Variants in CIMAP2 observed in about 807,000 individuals in gnomAD.
CIMAP2 encodes ciliary microtubule associated protein 2, also known as ciliary microtubule-associated protein 2.
At chr1:54,813,733 T>C in the CIMAP2 span, 1 of 1,449,164 alleles carries the variant, frequency 6.9e-7, no homozygotes, top group Middle Eastern at 2.1e-4. Context: ...CCATTGCTTT[T>C]CTCTGGTTGC....
At chr1:54,810,290 G>A in the CIMAP2 span, among the ~76,000 whole-genome samples, 1 of 152,130 alleles carries the variant, frequency 6.6e-6, no homozygotes, top group Non-Finnish European at 1.5e-5. Context: ...TCTTTCTGGC[G>A]GTGGGACCTC....
chr1:54,817,416 G>A, the CIMAP2 span, among the ~76,000 whole-genome samples: 3 of 152,172 alleles, frequency 2.0e-5, no homozygotes, highest in Non-Finnish European at 4.4e-5. Flanking sequence ...AAAACCCTTG[G>A]TAAGGAAAAG....
chr1:54,811,774 C>CGGGGG, the CIMAP2 span: 3 of 476,588 alleles, frequency 6.3e-6, no homozygotes, highest in Non-Finnish European at 1.2e-5. Flanking sequence ...AGCCTCCATG[C>CGGGGG]CCCCACCCCC....
chr1:54,841,871 TA>T, the CIMAP2 span: 5 of 1,551,608 alleles, frequency 3.2e-6, no homozygotes, highest in Non-Finnish European at 4.4e-6. Flanking sequence ...TCCTACTCCT[TA>T]AAGCCACATG....
chr1:54,808,184 A>G, the CIMAP2 span, among the ~76,000 whole-genome samples: 1 of 152,218 alleles, frequency 6.6e-6, no homozygotes, highest in African/African-American at 2.4e-5. Context: ...GACGAAGACA[A>G]TGTCCCTGCT....
At chr1:54,827,414 C>T in the CIMAP2 span, among the ~76,000 whole-genome samples, 204 of 152,342 alleles carry the variant, frequency 1.3e-3, no homozygotes, top group Non-Finnish European at 2.3e-3. Flanking sequence ...CCCATCCCCG[C>T]AGGACTCTCC....
the CIMAP2 span, among the ~76,000 whole-genome samples, chr1:54,819,806 T>TTCTCTTTC: frequency 7.3e-6 from 1 of 136,334 alleles, no homozygotes; most frequent in Non-Finnish European, 1.6e-5. Context: ...CTTTTCTTCT[T>TTCTCTTTC]TTTCTTTTTC....
chr1:54,814,051 G>A, the CIMAP2 span: 1 of 1,473,158 alleles, frequency 6.8e-7, no homozygotes, highest in Non-Finnish European at 9.1e-7. Context: ...GGGGTAGGGT[G>A]GCTAATTTCA....
chr1:54,808,849 C>T, the CIMAP2 span, among the ~76,000 whole-genome samples: 1 of 152,018 alleles, frequency 6.6e-6, no homozygotes, highest in African/African-American at 2.4e-5. Context: ...AGTTTGTTGG[C>T]CTGGACCTCT....
chr1:54,816,417 G>A, the CIMAP2 span, among the ~76,000 whole-genome samples: 1 of 152,100 alleles, frequency 6.6e-6, no homozygotes, highest in Non-Finnish European at 1.5e-5. Context: ...CAACCTCTCT[G>A]TTGGTGCCTC....
At chr1:54,813,967 CG>C in the CIMAP2 span, 1 of 1,604,030 alleles carries the variant, frequency 6.2e-7, no homozygotes, top group Non-Finnish European at 8.5e-7. Context: ...CCAGTGCCCC[CG>C]CACACTGGTG....
At chr1:54,813,917 C>T in the CIMAP2 span, 33 of 1,613,588 alleles carry the variant, frequency 2.0e-5, no homozygotes, top group South Asian at 3.3e-5. Context: ...CCCCGAAACC[C>T]GAAAACCCCT....
chr1:54,836,088 TC>T, the CIMAP2 span, among the ~76,000 whole-genome samples: 1 of 151,940 alleles, frequency 6.6e-6, no homozygotes, highest in Non-Finnish European at 1.5e-5. Flanking sequence ...CCTCTCCTTC[TC>T]CCCTCAAACC....
At chr1:54,810,577 C>T in the CIMAP2 span, among the ~76,000 whole-genome samples, 1 of 152,188 alleles carries the variant, frequency 6.6e-6, no homozygotes, top group African/African-American at 2.4e-5. Context: ...CTTCCCGCCC[C>T]ATCCTGCTTC....
chr1:54,819,962 T>TTC, the CIMAP2 span, among the ~76,000 whole-genome samples: 1 of 120,600 alleles, frequency 8.3e-6, no homozygotes, highest in Admixed American at 8.5e-5. Context: ...TTTCTTTCTC[T>TTC]TTTCTTTCTT....
At chr1:54,808,009 G>A in the CIMAP2 span, 1 of 1,562,994 alleles carries the variant, frequency 6.4e-7, no homozygotes, top group Non-Finnish European at 8.6e-7. Context: ...AGGACTCACT[G>A]GGGTAGGTGT....
the CIMAP2 span, chr1:54,811,765 G>GCCGGGGGGGGGGGGGGCCCCCCC: frequency 1.2e-5 from 16 of 1,301,296 alleles, no homozygotes; most frequent in East Asian, 2.5e-5. Flanking sequence ...GGTTCTGACA[G>GCCGGGGGGGGGGGGGGCCCCCCC]CCTCCATGCC....
chr1:54,829,908 T>C, the CIMAP2 span, among the ~76,000 whole-genome samples: 3 of 152,200 alleles, frequency 2.0e-5, no homozygotes, highest in Non-Finnish European at 2.9e-5. Flanking sequence ...TATGTTCATT[T>C]TGGCCTCAGT....
chr1:54,825,901 G>T, the CIMAP2 span, among the ~76,000 whole-genome samples: 2 of 152,164 alleles, frequency 1.3e-5, no homozygotes, highest in Non-Finnish European at 2.9e-5. Context: ...GCCAGCAGTG[G>T]TGATGGCAGG....
Sources: allele counts gnomAD v4.1 joint callset (sites outside exome capture counted in the v4.1 genomes callset), GRCh38; gene constraint gnomAD v4.1.1; transcripts MANE v1.5; gene names NCBI Gene and HGNC (gene_info 2026-07-23, HGNC 2026-07-21).